The following CCL1 variants were observed in gnomAD, a reference collection of about 807,000 sequenced individuals.
The protein encoded by CCL1 is C-C motif chemokine 1.
A neutral mutation model predicts 7.5 loss-of-function variants in CCL1; 9 were observed. The observed-to-expected ratio is 1.20, with a 90% CI of 0.72 to 2.09. CCL1 has a LOEUF of 2.09. Among genes scored for constraint, CCL1 ranks in the 30% most tolerant of loss-of-function variants. CCL1 has a pLI of 0.00. For synonymous variants in CCL1, 48 were observed against 44.7 expected (o/e 1.07, Z -0.30); for missense variants, 110 against 113.7 (o/e 0.97, Z 0.15).
chr17:34,360,550 G>T lies in CCL1; in HGVS notation c.*9C>A, dbSNP rs1383955930. 3.1e-6 allele frequency: 5 copies of T among 1,609,412 alleles called. No homozygotes were observed. Among genetic ancestry groups the T allele is most frequent in the Non-Finnish European group, 4.3e-6 (5 of 1,175,908 alleles). Reference sequence around the variant, plus strand: ...TGGTTTCCAGAGCCCACAATGGAAAGAAATCTGCTCATTTTCTTTTTGACG... The same window carrying T: ...TGGTTTCCAGAGCCCACAATGGAAATAAATCTGCTCATTTTCTTTTTGACG... On this transcript the variant is annotated 3_prime_UTR_variant, in exon 3 of 3. Transcript: ENST00000225842.
chr17:34,360,750 G>C, intron 2 of CCL1, 89 bp from the exon 3 acceptor site: 1 of 996,588 alleles, frequency 1.0e-6, no homozygotes, highest in Non-Finnish European at 1.6e-6. Context: ...CGGCTGCCAG[G>C]TCCCCTAAAC....
At chr17:34,362,981 A>C in intron 1 of CCL1, 105 bp downstream of exon 1, 1 of 968,820 alleles carries the variant, frequency 1.0e-6, no homozygotes, top group Non-Finnish European at 1.6e-6. Flanking sequence ...GGAAGAGGGG[A>C]GATAGAGTTG....
In CCL1 at chr17:34,361,858, C is replaced by T. The variant is rs781263366; in HGVS notation, c.115G>A (p.Glu39Lys). The T allele has an allele frequency of 1.2e-6, 2 of 1,612,950 alleles. No homozygotes were observed. Among genetic ancestry groups the T allele is most frequent in the South Asian group, 2.2e-5 (2 of 91,054 alleles). Residue 39 changes from glutamate (E) to lysine (K), a missense_variant, in exon 2 of 3, where the codon GAG (glutamate) becomes AAG (lysine). Physicochemically the swap from Glu to Lys is moderately conservative, Grantham distance 56. Coordinates refer to ENST00000225842, the MANE Select transcript of CCL1 (RefSeq NM_002981.2). ...PFSRCCFSFA[E>K]QEIPLRAILC... The stretch of plus-strand genomic sequence containing the variant: ...ATTGCCCTCAGGGGAATCTCTTGCT[C>T]CGCAAATGAGAAGCAACATCTGGAG...
In CCL1 at chr17:34,360,635, G is replaced by A. The variant is rs779613964; in HGVS notation, c.215C>T (p.Ala72Val). 1 of 1,613,202 alleles carries A rather than the reference G, an allele frequency of 6.2e-7. No homozygotes were observed. The highest frequency in any genetic ancestry group is 1.1e-5 in the South Asian group (1 of 91,038). ...CCATCCAACTGTGTCCAAGGCGCAG[G>A]CCTCTTTGCCTCTCTTCAGCTTGAA... ...LIFKLKRGKEACALDTVGWVQ... is the reference protein window; with the variant it reads ...LIFKLKRGKEVCALDTVGWVQ... The change falls in exon 3 of 3, where the codon GCC becomes GTC. Residue 72 changes from alanine to valine, a missense_variant. Ala to Val is a moderately conservative substitution (Grantham distance 64). Transcript: ENST00000225842.
rs1303665089 is a variant in CCL1, at chr17:34,362,002, G to T, written c.77-106C>A. 8 of 688,742 alleles carry T rather than the reference G, an allele frequency of 1.2e-5. No homozygotes were observed. In the East Asian group the frequency reaches 1.3e-4, roughly 11 times the overall value. 42.7% of individuals were successfully genotyped at this position (688,742 alleles called of 1,614,324 possible). The stretch of plus-strand genomic sequence containing the variant: ...AAAACGCCTCCCAGGACAAGCCCTG[G>T]CTTGGGGACCACATCCAGACGGTGC... On this transcript the variant is annotated intron_variant, in intron 1 of 2. Coordinates refer to ENST00000225842, the MANE Select transcript of CCL1 (RefSeq NM_002981.2).
intron 1 of CCL1, 88 bp from the exon 2 acceptor site, chr17:34,361,984 C>T: frequency 4.7e-6 from 4 of 844,136 alleles, no homozygotes; most frequent in South Asian, 1.5e-5. Context: ...AAAAAAACGC[C>T]TCCCAGGACA....
intron 1 of CCL1, 98 bp downstream of exon 1, chr17:34,362,988 G>A: frequency 9.4e-7 from 1 of 1,064,882 alleles, no homozygotes; most frequent in Non-Finnish European, 1.4e-6. Flanking sequence ...GGGAGATAGA[G>A]TTGGTGAGTT....
intron 1 of CCL1, among the ~76,000 whole-genome samples, chr17:34,362,106 C>T (rs572552771): frequency 4.4e-4 from 67 of 152,284 alleles, no homozygotes; most frequent in African/African-American, 1.5e-3. Flanking sequence ...GATCTGAGCT[C>T]CCCGCACCCC....
At chr17:34,361,074 G>A (rs1910493835) in intron 2 of CCL1, among the ~76,000 whole-genome samples, 1 of 151,988 alleles carries the variant, frequency 6.6e-6, no homozygotes, top group African/African-American at 2.4e-5. Flanking sequence ...CGCCTTGTGT[G>A]TGTGTGGGTG....
chr17:34,363,002 G>A (rs1040437556), intron 1 of CCL1, 84 bp downstream of exon 1: 10 of 1,279,418 alleles, frequency 7.8e-6, no homozygotes, highest in Admixed American at 5.1e-5. Context: ...GTGAGTTCAA[G>A]GAGAAGCCTG....
chr17:34,361,676 GTT>G lies in CCL1; in HGVS notation c.188+107_188+108del, dbSNP rs556818686. 2.3e-4 allele frequency: 180 copies of G among 783,348 alleles called. No homozygotes were observed. In the African/African-American group the frequency reaches 2.8e-3, roughly 12 times the overall value. The allele number at this position is 783,348 out of a possible 1,614,324, so 48.5% of individuals were successfully genotyped here. A position where few individuals can be genotyped will look rare whatever the true frequency, so the allele number is the denominator to read the frequency against. On this transcript the variant is annotated intron_variant, in intron 2 of 2. Transcript: ENST00000225842. ...TGCACCCAGGTGCTGGCAGCTCTGG[GTT>G]TAGAAACCTTATTCTGGTAAAATAC...
In CCL1 at chr17:34,360,560, C is replaced by G; in HGVS notation, c.290G>C (p.Ter97SerextTer49). 6.2e-7 allele frequency: 1 copy of G among 1,611,720 alleles called. No homozygotes were observed. Among genetic ancestry groups the G allele is most frequent in the Non-Finnish European group, 8.5e-7 (1 of 1,177,942 alleles). The change falls in exon 3 of 3, where the codon TGA becomes TCA. Residue 97 changes from the stop codon to serine (S), a stop_lost. Coordinates refer to ENST00000225842, the MANE Select transcript of CCL1 (RefSeq NM_002981.2). ...MLRHCPSKRK* is the reference protein window; with the variant it reads ...MLRHCPSKRKS ...AGCCCACAATGGAAAGAAATCTGCT[C>G]ATTTTCTTTTTGACGGGCAGTGCCT...
rs765637462 is a variant in CCL1 at position 34,361,817 on chromosome 17, A to G, written c.156T>C (p.Asn52=). The change falls in exon 2 of 3, where the codon AAT becomes AAC. Residue 52 remains asparagine (N), a synonymous_variant. Coordinates refer to ENST00000225842, the MANE Select transcript of CCL1 (RefSeq NM_002981.2). ...IPLRAILCYR[N]TSSICSNEGL... ...CCTCATTGGAGCAGATGGAGCTGGTATTTCTGTAACACAGGATTGCCCTCA... is the reference window on the plus strand; with the variant it reads ...CCTCATTGGAGCAGATGGAGCTGGTGTTTCTGTAACACAGGATTGCCCTCA... 20 of 1,613,234 alleles carry G rather than the reference A, an allele frequency of 1.2e-5. No individual in the cohort carries two copies. Among genetic ancestry groups the G allele is most frequent in the Non-Finnish European group, 1.4e-5 (17 of 1,179,202 alleles).
Position 34,360,490 on chromosome 17 carries a change from T to C in CCL1, c.*69A>G. The C allele has an allele frequency of 8.6e-7, 1 of 1,162,078 alleles. No individual in the cohort carries two copies. The highest frequency in any genetic ancestry group is 1.3e-6 in the Non-Finnish European group (1 of 767,726). 72.0% of individuals were successfully genotyped at this position (1,162,078 alleles called of 1,614,324 possible). On this transcript the variant is annotated 3_prime_UTR_variant, in exon 3 of 3. Coordinates refer to ENST00000225842, the MANE Select transcript of CCL1 (RefSeq NM_002981.2). ...CAAAAGCAGGGCAGAAGGAATGGTG[T>C]AGGGCTGGTAGTTTCGGGGACAGGT...
chr17:34,361,979 A>AAC, intron 1 of CCL1, 83 bp from the exon 2 acceptor site: 1 of 770,040 alleles, frequency 1.3e-6, no homozygotes, highest in Non-Finnish European at 2.1e-6. Flanking sequence ...CAAACAAAAA[A>AAC]ACGCCTCCCA....
At chr17:34,361,237 A>G (rs1000144556) in intron 2 of CCL1, among the ~76,000 whole-genome samples, 1 of 152,160 alleles carries the variant, frequency 6.6e-6, no homozygotes, top group Non-Finnish European at 1.5e-5. Flanking sequence ...TATGTGCCCC[A>G]AGAGGATCGA....
rs776054672 is a variant in CCL1 at position 34,360,543 on chromosome 17, A to G, written c.*16T>C. The G allele has an allele frequency of 2.5e-6, 4 of 1,600,664 alleles. No homozygotes were observed. Among genetic ancestry groups the G allele is most frequent in the East Asian group, 2.2e-5 (1 of 44,794 alleles). Reference sequence around the variant, plus strand: ...AGCCATGTGGTTTCCAGAGCCCACAATGGAAAGAAATCTGCTCATTTTCTT... The same window carrying G: ...AGCCATGTGGTTTCCAGAGCCCACAGTGGAAAGAAATCTGCTCATTTTCTT... On this transcript the variant is annotated 3_prime_UTR_variant, in exon 3 of 3. Coordinates refer to ENST00000225842, the MANE Select transcript of CCL1 (RefSeq NM_002981.2).
chr17:34,360,471 C>T lies in CCL1; in HGVS notation c.*88G>A, dbSNP rs1910476361. 1.0e-6 allele frequency: 1 copy of T among 992,362 alleles called. No homozygotes were observed. The highest frequency in any genetic ancestry group is 1.6e-6 in the Non-Finnish European group (1 of 616,090). The allele number at this position is 992,362 out of a possible 1,614,324, so 61.5% of individuals were successfully genotyped here. On this transcript the variant is annotated 3_prime_UTR_variant, in exon 3 of 3. Transcript: ENST00000225842. ...CAGATCCTCTGTGACCTAGCAAAAG[C>T]AGGGCAGAAGGAATGGTGTAGGGCT...
Position 34,360,354 on chromosome 17 carries a change from A to T in CCL1, c.*205T>A. ...ACCTCTCAATGCCAATCAAGTTTTC[A>T]CTCTGAAATCCAAGAGACCCAGAGG... is the stretch of plus-strand genomic sequence containing the variant. On this transcript the variant is annotated 3_prime_UTR_variant, in exon 3 of 3. Coordinates refer to ENST00000225842, the MANE Select transcript of CCL1 (RefSeq NM_002981.2). 1.9e-6 allele frequency: 1 copy of T among 520,076 alleles called. No homozygotes were observed. Among genetic ancestry groups the T allele is most frequent in the Non-Finnish European group, 3.5e-6 (1 of 286,368 alleles). 32.2% of individuals were successfully genotyped at this position (520,076 alleles called of 1,614,324 possible).
Sources: allele counts gnomAD v4.1 joint callset (sites outside exome capture counted in the v4.1 genomes callset), GRCh38; gene constraint gnomAD v4.1.1; transcripts MANE v1.5; gene names NCBI Gene and HGNC (gene_info 2026-07-23, HGNC 2026-07-21).